TSPAN19: variants seen among roughly 807,000 people sequenced by gnomAD.
The protein encoded by TSPAN19 is tetraspanin 19, also known as tetraspanin-19.
A neutral mutation model predicts 35.1 loss-of-function variants in TSPAN19; 44 were observed. The observed-to-expected ratio is 1.25, with a 90% CI of 0.98 to 1.61. TSPAN19 has a LOEUF of 1.61. Among genes scored for constraint, TSPAN19 ranks in the 40% most tolerant of loss-of-function variants. The pLI is 0.00. For missense variants in TSPAN19, 290 were observed against 280.0 expected (o/e 1.04, Z -0.26); for synonymous variants, 79 against 92.0 (o/e 0.86, Z 0.81).
chr12:85,018,248 G>A lies in TSPAN19; in HGVS notation c.451-649C>T, dbSNP rs547712529. Among the ~76,000 whole-genome samples, 11 of 151,972 alleles carry A rather than the reference G, an allele frequency of 7.2e-5. No homozygotes were observed. The South Asian group carries it at 1.0e-3, about 14-fold the overall frequency. On this transcript the variant is annotated intron_variant, in intron 6 of 8. Coordinates refer to ENST00000532498, the MANE Select transcript of TSPAN19 (RefSeq NM_001100917.2). ...TTTGTCACTTAGGAAATAAGAGAAA[G>A]GTGAAGTAATTGTTTTCTAAACTTT...
chr12:85,014,503 A>T lies in TSPAN19; in HGVS notation c.731T>A (p.Ile244Asn). 9 of 1,603,782 alleles carry T rather than the reference A, an allele frequency of 5.6e-6. No homozygotes were observed. The highest frequency in any genetic ancestry group is 7.7e-6 in the Non-Finnish European group (9 of 1,174,186). Residue 244 changes from isoleucine (I) to asparagine (N), a missense_variant, in exon 9 of 9, where the codon ATC (isoleucine) becomes AAC (asparagine). Physicochemically the swap from Ile to Asn is moderately radical, Grantham distance 149. Coordinates refer to ENST00000532498, the MANE Select transcript of TSPAN19 (RefSeq NM_001100917.2). ...ATCCAAAGGTCACATTTCTGCATGGATTATATTCTTGATGTTTTTGAAGAA... is the reference window on the plus strand; with the variant it reads ...ATCCAAAGGTCACATTTCTGCATGGTTTATATTCTTGATGTTTTTGAAGAA... ...VCFFKNIKNI[I>N]HAEM
At chr12:85,020,047 A>C (rs1222189764) in intron 5 of TSPAN19, among the ~76,000 whole-genome samples, 1 of 151,940 alleles carries the variant, frequency 6.6e-6, no homozygotes, top group African/African-American at 2.4e-5. Context: ...AAACTGTAAA[A>C]GTATTTTATA....
chr12:85,026,323 T>C (rs537064026), intron 4 of TSPAN19, among the ~76,000 whole-genome samples: 10 of 152,222 alleles, frequency 6.6e-5, no homozygotes, highest in African/African-American at 2.2e-4. Context: ...GTGAGAAAAT[T>C]ATGCTAAGGA....
At chr12:85,014,581 A>T (rs760778251) in intron 8 of TSPAN19, 26 bp from the exon 9 acceptor site, 1 of 1,525,164 alleles carries the variant, frequency 6.6e-7, no homozygotes, top group Non-Finnish European at 9.0e-7. Context: ...ACAATAAGAG[A>T]TTAAAATTTA....
In TSPAN19 at chr12:85,027,952, A is replaced by G; in HGVS notation, c.211T>C (p.Cys71Arg). Reference sequence around the variant, plus strand: ...TGAATTCCTATATAACCCAATAGACAAAAAAGAACAGTAGAAGATCCCATT... The same window carrying G: ...TGAATTCCTATATAACCCAATAGACGAAAAAGAACAGTAGAAGATCCCATT... ...IGMGSSTVLF[C>R]LLGYIGIHNE... The change falls in exon 4 of 9, where the codon TGT (cysteine) becomes CGT (arginine). Residue 71 changes from cysteine (C) to arginine (R), a missense_variant. Physicochemically the swap from Cys to Arg is radical, Grantham distance 180. Coordinates refer to ENST00000532498, the MANE Select transcript of TSPAN19 (RefSeq NM_001100917.2). The G allele has an allele frequency of 6.2e-7, 1 of 1,600,894 alleles. No homozygotes were observed. Among genetic ancestry groups the G allele is most frequent in the Non-Finnish European group, 8.5e-7 (1 of 1,172,768 alleles).
rs577168519 is a variant in TSPAN19, at chr12:85,027,837, G to T, written c.264+62C>A. On this transcript the variant is annotated intron_variant, in intron 4 of 8. Transcript: ENST00000532498. The stretch of plus-strand genomic sequence containing the variant: ...TGCTAATATAAATCAGTATTCATTT[G>T]TGTAACTTAGATACTTAAAAATCTA... The T allele has an allele frequency of 1.8e-5, 26 of 1,455,098 alleles. No individual in the cohort carries two copies. In the African/African-American group the frequency reaches 2.9e-4, roughly 16 times the overall value. 90.1% of individuals were successfully genotyped at this position (1,455,098 alleles called of 1,614,324 possible). A position where few individuals can be genotyped will look rare whatever the true frequency, so the allele number is the denominator to read the frequency against.
At chr12:85,030,402 G>A (rs1877629076) in intron 1 of TSPAN19, among the ~76,000 whole-genome samples, 1 of 152,040 alleles carries the variant, frequency 6.6e-6, no homozygotes, top group Non-Finnish European at 1.5e-5. Context: ...TGGCTGGAAA[G>A]TTTTCCTCAC....
intron 3 of TSPAN19, 82 bp downstream of exon 3, chr12:85,029,637 C>A: frequency 9.6e-7 from 1 of 1,046,366 alleles, no homozygotes. Context: ...GAAATACTGC[C>A]ACCTGCTGAA....
chr12:85,023,316 C>T lies in TSPAN19; in HGVS notation c.339+10G>A. ...AACAGGATGTATTGAAAAGGATTTA[C>T]TTTCCATACCTCCTCTTTCTTTGTG... On this transcript the variant is annotated intron_variant, in intron 5 of 8. Coordinates refer to ENST00000532498, the MANE Select transcript of TSPAN19 (RefSeq NM_001100917.2). The T allele has an allele frequency of 6.4e-7, 1 of 1,565,622 alleles. No homozygotes were observed. Among genetic ancestry groups the T allele is most frequent in the Non-Finnish European group, 8.7e-7 (1 of 1,152,902 alleles).
At chr12:85,032,034 T>C (rs537938030) in intron 1 of TSPAN19, among the ~76,000 whole-genome samples, 2 of 152,226 alleles carry the variant, frequency 1.3e-5, no homozygotes, top group Non-Finnish European at 2.9e-5. Context: ...GAAAGATTCA[T>C]GTAGGATGGG....
rs533998461 is a variant in TSPAN19 at position 85,014,325 on chromosome 12, T to C, written c.*162A>G. 476 of 499,040 alleles carry C rather than the reference T, an allele frequency of 9.5e-4. 5 individuals are homozygous for C. The highest frequency in any genetic ancestry group is 9.3e-3 in the African/African-American group (452 of 48,768). 30.9% of individuals were successfully genotyped at this position (499,040 alleles called of 1,614,324 possible). A position where few individuals can be genotyped will look rare whatever the true frequency, so the allele number is the denominator to read the frequency against. On this transcript the variant is annotated 3_prime_UTR_variant, in exon 9 of 9. Transcript: ENST00000532498. The stretch of plus-strand genomic sequence containing the variant: ...GAAAAACAAAATTAATATAATTTCA[T>C]GAATGTTTTATTATAGTATTCAGTA...
chr12:85,016,418 ATAAC>A (rs1202520032), intron 7 of TSPAN19: 1 of 152,272 alleles, frequency 6.6e-6, no homozygotes, highest in East Asian at 1.9e-4. Flanking sequence ...GATTAAAACA[ATAAC>A]TAATAATAAA....
In TSPAN19 at chr12:85,014,440, T is replaced by G. The variant is rs1433547700; in HGVS notation, c.*47A>C. The G allele has an allele frequency of 7.3e-7, 1 of 1,370,966 alleles. No individual in the cohort carries two copies. The allele number at this position is 1,370,966 out of a possible 1,614,324, so 84.9% of individuals were successfully genotyped here. A position where few individuals can be genotyped will look rare whatever the true frequency, so the allele number is the denominator to read the frequency against. On this transcript the variant is annotated 3_prime_UTR_variant, in exon 9 of 9. Coordinates refer to ENST00000532498, the MANE Select transcript of TSPAN19 (RefSeq NM_001100917.2). ...TTGGAATAAAATAATATAATGTGATTTTTTAAGAATTAACTGGTTTCTTCT... is the reference window on the plus strand; with the variant it reads ...TTGGAATAAAATAATATAATGTGATGTTTTAAGAATTAACTGGTTTCTTCT...
intron 3 of TSPAN19, among the ~76,000 whole-genome samples, chr12:85,028,317 A>G (rs1389887466): frequency 6.6e-6 from 1 of 152,146 alleles, no homozygotes; most frequent in Non-Finnish European, 1.5e-5. Flanking sequence ...ATTTTTTTCT[A>G]AGATTTCATC....
chr12:85,033,207 T>C (rs1220811670), intron 1 of TSPAN19, among the ~76,000 whole-genome samples: 2 of 151,938 alleles, frequency 1.3e-5, no homozygotes, highest in Non-Finnish European at 2.9e-5. Context: ...AGATAGGAAA[T>C]ATTCAAGACA....
chr12:85,019,453 G>T (rs1358999480), intron 6 of TSPAN19, among the ~76,000 whole-genome samples, 173 bp downstream of exon 6: 1 of 151,974 alleles, frequency 6.6e-6, no homozygotes, highest in East Asian at 1.9e-4. Flanking sequence ...GTTACAAAAG[G>T]AGGATATAAA....
At chr12:85,025,957 A>G (rs1021050453) in intron 4 of TSPAN19, among the ~76,000 whole-genome samples, 12 of 152,218 alleles carry the variant, frequency 7.9e-5, no homozygotes, top group African/African-American at 2.7e-4. Flanking sequence ...AAGTGTCACA[A>G]TGGCCAAATT....
chr12:85,015,766 C>G, intron 8 of TSPAN19, 122 bp downstream of exon 8: 1 of 657,022 alleles, frequency 1.5e-6, no homozygotes, highest in South Asian at 2.2e-5. Context: ...TGTAAAGAGC[C>G]TCAAAGTCCT....
In TSPAN19 at chr12:85,029,973, T is replaced by A. The variant is rs1877609858; in HGVS notation, c.-27A>T. On this transcript the variant is annotated splice_region_variant and 5_prime_UTR_variant, in exon 2 of 9. Coordinates refer to ENST00000532498, the MANE Select transcript of TSPAN19 (RefSeq NM_001100917.2). Reference sequence around the variant, plus strand: ...CTTTTTCTTCCAAGATATTGATGATTCTGAAAAGACAACCATAACTTTTTA... The same window carrying A: ...CTTTTTCTTCCAAGATATTGATGATACTGAAAAGACAACCATAACTTTTTA... 2 of 1,401,512 alleles carry A rather than the reference T, an allele frequency of 1.4e-6. No individual in the cohort carries two copies. The highest frequency in any genetic ancestry group is 9.6e-7 in the Non-Finnish European group (1 of 1,043,322). 86.8% of individuals were successfully genotyped at this position (1,401,512 alleles called of 1,614,324 possible). A position where few individuals can be genotyped will look rare whatever the true frequency, so the allele number is the denominator to read the frequency against.
Sources: gnomAD v4.1 joint callset for allele counts (sites outside exome capture counted in the v4.1 genomes callset) on GRCh38, gnomAD v4.1.1 for gene constraint, MANE v1.5 for transcripts, NCBI Gene and HGNC (gene_info 2026-07-23, HGNC 2026-07-21) for gene names.